The following WDR59 variants were observed in gnomAD, a reference collection of about 807,000 sequenced individuals.
WDR59 encodes the protein WD repeat domain 59, also known as GATOR2 complex protein WDR59.
A neutral mutation model predicts 131.2 loss-of-function variants in WDR59; 100 were observed. The ratio of observed to expected loss-of-function variants is 0.76; its 90% CI spans 0.65 to 0.90. The LOEUF (loss-of-function observed/expected upper bound fraction) is 0.90. WDR59 is among the 40% of genes least tolerant of loss of function. WDR59 has a pLI of 0.00. For missense variants in WDR59, 1,203 were observed against 1,262.2 expected, an observed-to-expected ratio of 0.95 and a Z score of 0.71; for synonymous variants, 601 against 466.2, an observed-to-expected ratio of 1.29 and a Z score of -3.72.
At position 74,892,552 on chromosome 16, in the gene WDR59, C is replaced by T. The variant is rs769346953; in HGVS notation, c.2014G>A (p.Asp672Asn). The T allele has an allele frequency of 1.9e-6, 3 of 1,613,320 alleles. No individual in the cohort carries two copies. The East Asian group carries it at 6.7e-5, about 36-fold the overall frequency. The change falls in exon 20 of 26, where the codon GAT becomes AAT. Residue 672 changes from aspartate to asparagine, a missense_variant. Physicochemically the swap from Asp to Asn is conservative, Grantham distance 23. Coordinates refer to ENST00000262144, the MANE Select transcript of WDR59 (RefSeq NM_030581.4). ...LGELYILNVN[D>N]IQETCQKNAA... ...TTCTTCTGACATGTTTCCTGAATATCATTCACATTCAATCTGAAATTTTTT... is the reference window on the plus strand; with the variant it reads ...TTCTTCTGACATGTTTCCTGAATATTATTCACATTCAATCTGAAATTTTTT...
At chr16:74,949,909 G>T (rs755810155) in intron 4 of WDR59, 111 bp from the exon 5 acceptor site, 7 of 939,974 alleles carry the variant, frequency 7.4e-6, no homozygotes, top group Non-Finnish European at 1.2e-5. Context: ...TCATTAACGG[G>T]CTTCTTAATG....
chr16:74,893,126 C>T (rs141285312), intron 19 of WDR59, among the ~76,000 whole-genome samples: 3 of 152,158 alleles, frequency 2.0e-5, no homozygotes, highest in African/African-American at 7.2e-5. Context: ...AATACTCCAC[C>T]CCCTTTGAAT....
At chr16:74,952,445 CAAA>C (rs61448932) in intron 3 of WDR59, among the ~76,000 whole-genome samples, 3 of 62,720 alleles carry the variant, frequency 4.8e-5, no homozygotes, top group Non-Finnish European at 6.5e-5. Flanking sequence ...CCATCTCAAA[CAAA>C]AAAAAAAAAA....
intron 1 of WDR59, among the ~76,000 whole-genome samples, chr16:74,971,197 C>T (rs889771855): frequency 2.6e-5 from 4 of 152,118 alleles, no homozygotes; most frequent in South Asian, 2.1e-4. Context: ...TTATCACCCA[C>T]GAGTTTATCT....
chr16:74,914,215 TA>T (rs954042730), intron 13 of WDR59, among the ~76,000 whole-genome samples: 44 of 142,866 alleles, frequency 3.1e-4, no homozygotes, highest in Non-Finnish European at 4.6e-4. Flanking sequence ...TCCATCTCAA[TA>T]AAAAAAAAAA....
At chr16:74,942,651 A>T in intron 7 of WDR59, 87 bp downstream of exon 7, 1 of 1,356,662 alleles carries the variant, frequency 7.4e-7, no homozygotes, top group Non-Finnish European at 1.0e-6. Context: ...CCAGACTCTC[A>T]AGCCAAGTCC....
In WDR59 at chr16:74,873,824, C is replaced by A. The variant is rs996801909; in HGVS notation, c.*385G>T. 4 of 183,918 alleles carry A rather than the reference C, an allele frequency of 2.2e-5. No homozygotes were observed. Among genetic ancestry groups the A allele is most frequent in the Non-Finnish European group, 4.5e-5 (4 of 89,224 alleles). 11.4% of individuals were successfully genotyped at this position (183,918 alleles called of 1,614,324 possible). A position where few individuals can be genotyped will look rare whatever the true frequency, so the allele number is the denominator to read the frequency against. ...ACCCACTGTCCTCGGGCATCTGACT[C>A]TGGTCTCTGCACTGGCATCAAGAGA... On this transcript the variant is annotated 3_prime_UTR_variant, in exon 26 of 26. Transcript: ENST00000262144.
At chr16:74,945,896 C>T (rs1470700403) in intron 6 of WDR59, among the ~76,000 whole-genome samples, 1 of 151,008 alleles carries the variant, frequency 6.6e-6, no homozygotes, top group Non-Finnish European at 1.5e-5. Context: ...TCGCTCACCG[C>T]AACCTCCACC....
intron 8 of WDR59, among the ~76,000 whole-genome samples, chr16:74,936,574 C>G (rs1460279467): frequency 6.6e-6 from 1 of 152,026 alleles, no homozygotes; most frequent in Non-Finnish European, 1.5e-5. Context: ...GCCTGTAATC[C>G]CAGCACTTTG....
rs542504268 is a variant in WDR59, at chr16:74,946,217, C to A, written c.445+2302G>T. Among the ~76,000 whole-genome samples, 7 of 152,228 alleles carry A rather than the reference C, an allele frequency of 4.6e-5. No homozygotes were observed. The South Asian group carries it at 1.5e-3, about 32-fold the overall frequency. ...TACTGTGCCTAATTTATAAATTAAA[C>A]CTTATCCTAGTTATGTATGTACAGA... On this transcript the variant is annotated intron_variant, in intron 6 of 25. Transcript: ENST00000262144.
intron 17 of WDR59, among the ~76,000 whole-genome samples, chr16:74,905,486 C>A (rs1965760153): frequency 6.6e-6 from 1 of 151,596 alleles, no homozygotes; most frequent in African/African-American, 2.4e-5. Context: ...TCGAGACCAT[C>A]CTGGCTAACA....
At chr16:74,901,802 G>C (rs890244183) in intron 18 of WDR59, among the ~76,000 whole-genome samples, 1 of 152,056 alleles carries the variant, frequency 6.6e-6, no homozygotes, top group African/African-American at 2.4e-5. Flanking sequence ...AAGGATTATC[G>C]ACCTTTGTAA....
At position 74,938,739 on chromosome 16, in the gene WDR59, T is replaced by C. The variant is rs575027657; in HGVS notation, c.535-473A>G. Reference sequence around the variant, plus strand: ...TTTTTTCTAGAGATGGGGTTTTGCATGTTGTCCAGGCTGGTCTTGAACTCC... The same window carrying C: ...TTTTTTCTAGAGATGGGGTTTTGCACGTTGTCCAGGCTGGTCTTGAACTCC... On this transcript the variant is annotated intron_variant, in intron 7 of 25. Coordinates refer to ENST00000262144, the MANE Select transcript of WDR59 (RefSeq NM_030581.4). Among the ~76,000 whole-genome samples, 6 of 152,070 alleles carry C rather than the reference T, an allele frequency of 3.9e-5. No homozygotes were observed. In the South Asian group the frequency reaches 1.0e-3, roughly 26 times the overall value.
intron 2 of WDR59, among the ~76,000 whole-genome samples, chr16:74,958,707 C>G (rs991121063): frequency 1.4e-5 from 2 of 147,146 alleles, no homozygotes; most frequent in Non-Finnish European, 3.0e-5. Flanking sequence ...TGTCTCAAGA[C>G]AAGGGCAAGG....
In WDR59 at chr16:74,984,996, C is replaced by A; in HGVS notation, c.22G>T (p.Glu8Ter). 1 of 1,596,056 alleles carries A rather than the reference C, an allele frequency of 6.3e-7. No individual in the cohort carries two copies. Among genetic ancestry groups the A allele is most frequent in the East Asian group, 2.3e-5 (1 of 44,152 alleles). ...TCACGGAACTCTACAACCACGTTTT[C>A]GCTGCTCCATCGCGCCGCCATCTCC... MAARWSS[E>*]NVVVEFRDSQ... The change falls in exon 1 of 26, where the codon GAA (glutamate) becomes TAA (stop). Residue 8 changes from glutamate (E) to a stop codon, truncating the protein, a stop_gained. Transcript: ENST00000262144. LOFTEE classifies it high-confidence loss of function.
chr16:74,910,220 G>A (rs546986635), intron 14 of WDR59, among the ~76,000 whole-genome samples: 5 of 152,106 alleles, frequency 3.3e-5, no homozygotes, highest in East Asian at 1.9e-4. Flanking sequence ...TGCCCATCTC[G>A]GCCTCCCAAA....
chr16:74,910,817 G>T (rs1246769744), intron 14 of WDR59, among the ~76,000 whole-genome samples: 1 of 152,004 alleles, frequency 6.6e-6, no homozygotes, highest in Non-Finnish European at 1.5e-5. Flanking sequence ...TTACTGCCCA[G>T]GCTGGAGTGC....
chr16:74,901,014 G>A (rs111371026), intron 18 of WDR59, among the ~76,000 whole-genome samples: 4,873 of 152,262 alleles, frequency 0.032, 273 homozygotes, highest in African/African-American at 0.11. Flanking sequence ...CAGGAGAATC[G>A]CTTGAACCCG....
intron 2 of WDR59, chr16:74,959,647 T>G (rs2145174476): frequency 2.4e-6 from 1 of 412,178 alleles, no homozygotes; most frequent in South Asian, 1.8e-5. Flanking sequence ...CCAGGTGTGG[T>G]GACATGTGCC....
Sources: gnomAD v4.1 joint callset for allele counts (sites outside exome capture counted in the v4.1 genomes callset) on GRCh38, gnomAD v4.1.1 for gene constraint, MANE v1.5 for transcripts, NCBI Gene and HGNC (gene_info 2026-07-23, HGNC 2026-07-21) for gene names.